The following HAPLN1 variants were observed in gnomAD, a reference collection of about 807,000 sequenced individuals.
HAPLN1 encodes the protein Cartilage link protein.
Under a neutral mutation model 36.5 loss-of-function variants are expected in HAPLN1, and 13 were observed. That is an observed-to-expected ratio of 0.36 (90% CI 0.23 to 0.57). The LOEUF is 0.57. HAPLN1 is among the 20% of genes least tolerant of loss of function. HAPLN1 has a pLI of 0.83. For missense variants in HAPLN1, 407 were observed against 439.7 expected (o/e 0.93, Z 0.66); for synonymous variants, 202 against 169.8 (o/e 1.19, Z -1.48).
chr5:83,694,726 A>T (rs951646358), intron 1 of HAPLN1, among the ~76,000 whole-genome samples: 5 of 152,256 alleles, frequency 3.3e-5, no homozygotes, highest in East Asian at 3.9e-4. Context: ...TCTATTTTTT[A>T]AAAATCAAAT....
At chr5:83,659,100 C>T (rs1016116139) in intron 2 of HAPLN1, among the ~76,000 whole-genome samples, 4 of 151,910 alleles carry the variant, frequency 2.6e-5, no homozygotes, top group African/African-American at 9.7e-5. Context: ...ATGGTGAAAC[C>T]CCGTCTCTAC....
chr5:83,702,101 G>A (rs1286955638), intron 1 of HAPLN1, among the ~76,000 whole-genome samples: 1 of 152,180 alleles, frequency 6.6e-6, no homozygotes, highest in Non-Finnish European at 1.5e-5. Flanking sequence ...CATGTTTCAG[G>A]TGGGAGGGAT....
chr5:83,718,363 C>G (rs1751959024), intron 1 of HAPLN1, among the ~76,000 whole-genome samples: 1 of 152,118 alleles, frequency 6.6e-6, no homozygotes, highest in South Asian at 2.1e-4. Flanking sequence ...TTTAAGAAGC[C>G]GGTGAGAAAG....
At chr5:83,643,678 C>T (rs1442357272) in intron 4 of HAPLN1, among the ~76,000 whole-genome samples, 1 of 151,998 alleles carries the variant, frequency 6.6e-6, no homozygotes, top group Non-Finnish European at 1.5e-5. Flanking sequence ...TCTCAAACTC[C>T]TGGGCCCAAG....
intron 2 of HAPLN1, among the ~76,000 whole-genome samples, chr5:83,670,830 GA>G (rs1050637771): frequency 6.6e-6 from 1 of 151,978 alleles, no homozygotes; most frequent in Admixed American, 6.6e-5. Flanking sequence ...GAGTAGCTGG[GA>G]TTACAGGCAC....
At chr5:83,659,990 C>A (rs1408930197) in intron 2 of HAPLN1, among the ~76,000 whole-genome samples, 1 of 152,024 alleles carries the variant, frequency 6.6e-6, no homozygotes, top group African/African-American at 2.4e-5. Flanking sequence ...TCCCATCCAG[C>A]CCACTTCCCA....
At chr5:83,673,808 A>C (rs1344018911) in intron 1 of HAPLN1, 1 of 334,652 alleles carries the variant, frequency 3.0e-6, no homozygotes, top group East Asian at 7.7e-5. Flanking sequence ...AATTTAAAAC[A>C]CTGTAGTTTG....
intron 2 of HAPLN1, among the ~76,000 whole-genome samples, chr5:83,656,379 A>T (rs778306593): frequency 1.3e-4 from 20 of 150,812 alleles, no homozygotes; most frequent in Non-Finnish European, 2.7e-4. Context: ...GCTGTGGCAT[A>T]GCAATTGAAA....
intron 4 of HAPLN1, among the ~76,000 whole-genome samples, chr5:83,643,425 T>C (rs1302996476): frequency 1.3e-5 from 2 of 150,888 alleles, no homozygotes; most frequent in Admixed American, 6.6e-5. Flanking sequence ...CCAAAGCATG[T>C]CACCAGGGAC....
chr5:83,670,390 T>C (rs1050608048), intron 2 of HAPLN1, among the ~76,000 whole-genome samples: 1 of 152,212 alleles, frequency 6.6e-6, no homozygotes, highest in African/African-American at 2.4e-5. Flanking sequence ...AGAACATAAC[T>C]ATTGCCTACA....
At chr5:83,650,258 T>A (rs1750016803) in intron 3 of HAPLN1, among the ~76,000 whole-genome samples, 1 of 152,230 alleles carries the variant, frequency 6.6e-6, no homozygotes, top group Non-Finnish European at 1.5e-5. Flanking sequence ...AGCCATGTTA[T>A]CTTAGAAAAG....
chr5:83,672,424 T>A (rs1750754966), intron 2 of HAPLN1, among the ~76,000 whole-genome samples: 1 of 152,052 alleles, frequency 6.6e-6, no homozygotes, highest in Non-Finnish European at 1.5e-5. Context: ...GAGAAAAAAA[T>A]AAAGCTGTTG....
intron 1 of HAPLN1, among the ~76,000 whole-genome samples, chr5:83,691,171 A>C (rs1049336219): frequency 3.3e-5 from 5 of 152,082 alleles, no homozygotes; most frequent in Non-Finnish European, 7.4e-5. Context: ...GAAGGAACCT[A>C]CCTAGAGCCT....
intron 1 of HAPLN1, among the ~76,000 whole-genome samples, chr5:83,715,351 G>C (rs1039684573): frequency 2.0e-5 from 3 of 152,160 alleles, no homozygotes; most frequent in African/African-American, 7.2e-5. Context: ...TGGGATGCAG[G>C]GGTAGAGAGC....
chr5:83,663,501 C>T (rs993275676), intron 2 of HAPLN1, among the ~76,000 whole-genome samples: 5 of 152,092 alleles, frequency 3.3e-5, no homozygotes, highest in African/African-American at 9.7e-5. Context: ...CATCTGGTCC[C>T]ATAGTTATAA....
At chr5:83,647,670 T>C (rs1377345815) in intron 3 of HAPLN1, among the ~76,000 whole-genome samples, 2 of 152,310 alleles carry the variant, frequency 1.3e-5, no homozygotes, top group East Asian at 3.9e-4. Context: ...TAAAAAAAAG[T>C]TAAACTTTTA....
intron 2 of HAPLN1, among the ~76,000 whole-genome samples, chr5:83,656,063 C>A (rs1750201316): frequency 6.6e-6 from 1 of 152,116 alleles, no homozygotes; most frequent in Non-Finnish European, 1.5e-5. Context: ...TGCAGTGGCT[C>A]ACGCCTATAA....
chr5:83,711,768 C>G (rs774693649), intron 1 of HAPLN1, among the ~76,000 whole-genome samples: 2 of 152,080 alleles, frequency 1.3e-5, no homozygotes, highest in Non-Finnish European at 2.9e-5. Flanking sequence ...TCTGGTTTGA[C>G]TAACACATTT....
intron 2 of HAPLN1, among the ~76,000 whole-genome samples, chr5:83,670,050 AT>A (rs754906106): frequency 6.6e-6 from 1 of 152,170 alleles, no homozygotes; most frequent in Non-Finnish European, 1.5e-5. Flanking sequence ...TGCTTTGCAT[AT>A]TGGTTAATAG....
Sources: gnomAD v4.1 joint callset for allele counts (sites outside exome capture counted in the v4.1 genomes callset) on GRCh38, gnomAD v4.1.1 for gene constraint, MANE v1.5 for transcripts, NCBI Gene and HGNC (gene_info 2026-07-23, HGNC 2026-07-21) for gene names.